CNTNAP2: variants seen among roughly 807,000 people sequenced by gnomAD.
CNTNAP2 encodes contactin associated protein 2, also known as contactin-associated protein-like 2.
Under a neutral mutation model 155.2 loss-of-function variants are expected in CNTNAP2, and 98 were observed. The observed-to-expected ratio is 0.63, with a 90% CI of 0.54 to 0.75. The LOEUF (loss-of-function observed/expected upper bound fraction) is 0.75, where lower values mean the gene tolerates loss of function less well. Ranked by LOEUF, CNTNAP2 falls within the 30% of genes least tolerant of loss-of-function variation. The pLI, the probability that CNTNAP2 is intolerant of heterozygous loss-of-function variation, is 0.00. For missense variants in CNTNAP2, 1,727 were observed against 1,688.1 expected, an observed-to-expected ratio of 1.02 and a Z score of -0.40; for synonymous variants, 651 against 631.2, an observed-to-expected ratio of 1.03 and a Z score of -0.47.
chr7:147,968,115 A>G (rs1801256391), intron 14 of CNTNAP2, among the ~76,000 whole-genome samples: 1 of 152,196 alleles, frequency 6.6e-6, no homozygotes, highest in South Asian at 2.1e-4. Context: ...AATCCACTTT[A>G]AATAAACACT....
chr7:146,234,558 A>C (rs1414651412), intron 1 of CNTNAP2, among the ~76,000 whole-genome samples: 1 of 150,896 alleles, frequency 6.6e-6, no homozygotes, highest in African/African-American at 2.4e-5. Flanking sequence ...CCTGAATGGT[A>C]ATGCCTAGGT....
chr7:147,167,860 G>T (rs1802145509), intron 8 of CNTNAP2, among the ~76,000 whole-genome samples: 1 of 151,758 alleles, frequency 6.6e-6, no homozygotes, highest in Non-Finnish European at 1.5e-5. Context: ...TGAATTCAGG[G>T]GTGAGATCTT....
chr7:146,517,992 T>C (rs1157900543), intron 1 of CNTNAP2, among the ~76,000 whole-genome samples: 4 of 151,932 alleles, frequency 2.6e-5, no homozygotes, highest in Non-Finnish European at 5.9e-5. Context: ...CCAAATTGTC[T>C]TCATTTACAT....
intron 3 of CNTNAP2, among the ~76,000 whole-genome samples, chr7:146,930,842 C>T (rs1282013902): frequency 9.9e-5 from 15 of 152,012 alleles, no homozygotes; most frequent in African/African-American, 3.1e-4. Context: ...ACAAAGAAGG[C>T]CATTACATAA....
chr7:146,705,764 G>A (rs997506998), intron 1 of CNTNAP2, among the ~76,000 whole-genome samples: 4 of 152,052 alleles, frequency 2.6e-5, no homozygotes, highest in African/African-American at 7.2e-5. Flanking sequence ...TTACCACCAT[G>A]AGGAAAGTAT....
intron 1 of CNTNAP2, among the ~76,000 whole-genome samples, chr7:146,506,380 T>C (rs1452265259): frequency 1.3e-5 from 2 of 152,230 alleles, no homozygotes; most frequent in African/African-American, 2.4e-5. Flanking sequence ...CTCCCAGATA[T>C]CTTACATAGA....
chr7:146,204,794 A>C (rs978980646), intron 1 of CNTNAP2, among the ~76,000 whole-genome samples: 2 of 151,978 alleles, frequency 1.3e-5, no homozygotes, highest in South Asian at 4.2e-4. Flanking sequence ...TAATGGCCCC[A>C]CCCTTCAGCA....
chr7:146,272,580 C>T (rs928913475), intron 1 of CNTNAP2, among the ~76,000 whole-genome samples: 6 of 152,092 alleles, frequency 3.9e-5, no homozygotes, highest in South Asian at 2.1e-4. Flanking sequence ...TCCTTTAACT[C>T]GGCAATTCCA....
chr7:147,970,234 AAAG>A (rs1323589141), intron 14 of CNTNAP2, among the ~76,000 whole-genome samples: 1 of 152,160 alleles, frequency 6.6e-6, no homozygotes, highest in Non-Finnish European at 1.5e-5. Context: ...TAAGAGATAG[AAAG>A]AATAAGAACA....
At chr7:146,702,867 C>T (rs1351736740) in intron 1 of CNTNAP2, among the ~76,000 whole-genome samples, 1 of 152,054 alleles carries the variant, frequency 6.6e-6, no homozygotes, top group African/African-American at 2.4e-5. Flanking sequence ...ATACTGAAAA[C>T]TGCAAAATTA....
intron 3 of CNTNAP2, among the ~76,000 whole-genome samples, chr7:146,957,936 C>G (rs1217699817): frequency 6.6e-6 from 1 of 152,084 alleles, no homozygotes; most frequent in Non-Finnish European, 1.5e-5. Flanking sequence ...CTTTATCATT[C>G]TAAATCAATG....
chr7:147,794,075 A>G (rs1373253980), intron 13 of CNTNAP2, among the ~76,000 whole-genome samples: 2 of 151,898 alleles, frequency 1.3e-5, no homozygotes, highest in Non-Finnish European at 2.9e-5. Context: ...ATGATGTTTT[A>G]TATACAAGAT....
chr7:148,006,522 T>C (rs1377683623), intron 15 of CNTNAP2, among the ~76,000 whole-genome samples: 1 of 151,800 alleles, frequency 6.6e-6, no homozygotes, highest in East Asian at 1.9e-4. Flanking sequence ...TTTCACCATG[T>C]TGGCCAGGCT....
intron 3 of CNTNAP2, among the ~76,000 whole-genome samples, chr7:146,966,270 G>A (rs868764181): frequency 6.6e-6 from 1 of 152,202 alleles, no homozygotes; most frequent in Admixed American, 6.5e-5. Context: ...CTACTCATCT[G>A]TGTATGCTTT....
At chr7:146,689,080 G>A (rs1376540135) in intron 1 of CNTNAP2, among the ~76,000 whole-genome samples, 1 of 151,954 alleles carries the variant, frequency 6.6e-6, no homozygotes, top group African/African-American at 2.4e-5. Context: ...TCAGAATTTA[G>A]GAGGCATACA....
In CNTNAP2 at chr7:147,667,792, CTG is replaced by C. The variant is rs199882530; in HGVS notation, c.2098+28487_2098+28488del. ...AGAAGGACTTTTACCCAGGCTGCTG[CTG>C]CAAAAAAAAAAAATAATAAAAAAAA... is the stretch of plus-strand genomic sequence containing the variant. On this transcript the variant is annotated intron_variant, in intron 13 of 23. Transcript: ENST00000361727. Among the ~76,000 whole-genome samples, 1,437 of 145,124 alleles carry C rather than the reference CTG, an allele frequency of 9.9e-3. 31 individuals are homozygous for C. The highest frequency in any genetic ancestry group is 0.035 in the African/African-American group (1,371 of 38,874).
At position 148,334,811 on chromosome 7, in the gene CNTNAP2, C is replaced by G. The variant is rs546017342; in HGVS notation, c.3476-48838C>G. Among the ~76,000 whole-genome samples the G allele has an allele frequency of 8.5e-5, 13 of 152,328 alleles. No individual in the cohort carries two copies. The South Asian group carries it at 2.5e-3, about 29-fold the overall frequency. ...GCCTGCCTGGGGGAACTCCAGCAAT[C>G]ATTGGGGGAGACTTTGGGAGAGTGG... On this transcript the variant is annotated intron_variant, in intron 21 of 23. Transcript: ENST00000361727.
chr7:148,365,062 G>A (rs920341678), intron 21 of CNTNAP2, among the ~76,000 whole-genome samples: 1 of 152,172 alleles, frequency 6.6e-6, no homozygotes, highest in African/African-American at 2.4e-5. Context: ...GCGAGGGTCC[G>A]CGGCTTCATT....
chr7:146,545,710 G>A (rs563302477), intron 1 of CNTNAP2, among the ~76,000 whole-genome samples: 1 of 151,956 alleles, frequency 6.6e-6, no homozygotes, highest in Non-Finnish European at 1.5e-5. Flanking sequence ...TGGAGAAATA[G>A]GAATGCTTTT....
Sources: allele counts gnomAD v4.1 joint callset (sites outside exome capture counted in the v4.1 genomes callset), GRCh38; gene constraint gnomAD v4.1.1; transcripts MANE v1.5; gene names NCBI Gene and HGNC (gene_info 2026-07-23, HGNC 2026-07-21).